BACH1: variants seen among roughly 807,000 people sequenced by gnomAD.
The protein encoded by BACH1 is BTB domain and CNC homolog 1, also known as transcription regulator protein BACH1.
In BACH1, 35 loss-of-function variants were observed where a neutral mutation model predicts 52.9. That is an observed-to-expected ratio of 0.66 (90% CI 0.51 to 0.88). The LOEUF (loss-of-function observed/expected upper bound fraction) is 0.88, where lower values mean the gene tolerates loss of function less well. Ranked by LOEUF, BACH1 falls within the 40% of genes least tolerant of loss-of-function variation. The pLI is 0.00. For missense variants in BACH1, 808 were observed against 872.6 expected (o/e 0.93, Z 0.93); for synonymous variants, 321 against 319.6 (o/e 1.00, Z -0.05).
intron 4 of BACH1, among the ~76,000 whole-genome samples, chr21:29,330,822 AATT>A (rs1172518932): frequency 6.6e-6 from 1 of 152,036 alleles, no homozygotes; most frequent in Admixed American, 6.5e-5. Context: ...AAAAATAAAA[AATT>A]ATTATTTATA....
intron 4 of BACH1, 96 bp from the exon 5 acceptor site, chr21:29,342,303 C>G (rs1400490958): frequency 3.3e-6 from 4 of 1,220,646 alleles, no homozygotes; most frequent in Non-Finnish European, 4.6e-6. Flanking sequence ...TGTGATCTTA[C>G]TTGATGAGAA....
intron 2 of BACH1, among the ~76,000 whole-genome samples, chr21:29,351,157 C>T (rs541619156): frequency 7.9e-5 from 12 of 152,272 alleles, no homozygotes; most frequent in African/African-American, 2.2e-4. Context: ...ATCACTGTCC[C>T]GAAAGTCAGC....
At chr21:29,299,741 G>A (rs2088582376) in intron 1 of BACH1, 1 of 152,186 alleles carries the variant, frequency 6.6e-6, no homozygotes, top group South Asian at 2.1e-4. Flanking sequence ...TGAGGCTTCT[G>A]CGTTAAACTT....
At chr21:29,356,446 AAC>A (rs2123493209) in intron 2 of BACH1, among the ~76,000 whole-genome samples, 1 of 152,378 alleles carries the variant, frequency 6.6e-6, no homozygotes, top group South Asian at 2.1e-4. Flanking sequence ...TGCATGTTTG[AAC>A]AGACCAATTA....
chr21:29,333,372 A>G (rs1311304932), intron 4 of BACH1, among the ~76,000 whole-genome samples: 1 of 152,212 alleles, frequency 6.6e-6, no homozygotes, highest in African/African-American at 2.4e-5. Context: ...ATATTTGTGT[A>G]TATTTTAATC....
chr21:29,316,278 A>T (rs548691067), intron 1 of BACH1, among the ~76,000 whole-genome samples: 60 of 152,306 alleles, frequency 3.9e-4, no homozygotes, highest in African/African-American at 1.4e-3. Flanking sequence ...AATGTCAAGT[A>T]GTAACTATAT....
intron 4 of BACH1, among the ~76,000 whole-genome samples, chr21:29,336,828 C>T (rs1199700996): frequency 1.3e-5 from 2 of 152,030 alleles, no homozygotes; most frequent in Non-Finnish European, 2.9e-5. Flanking sequence ...CCCACCACCA[C>T]ACCTAGCTAA....
At chr21:29,322,339 C>T (rs1245789731) in intron 2 of BACH1, among the ~76,000 whole-genome samples, 1 of 152,216 alleles carries the variant, frequency 6.6e-6, no homozygotes, top group Non-Finnish European at 1.5e-5. Flanking sequence ...TCTTTCTTGA[C>T]TTAGTCTTTA....
At chr21:29,330,264 A>C (rs989127137) in intron 4 of BACH1, among the ~76,000 whole-genome samples, 2 of 152,136 alleles carry the variant, frequency 1.3e-5, no homozygotes, top group African/African-American at 4.8e-5. Context: ...TGCTGGGTTC[A>C]TGCCATTCTC....
At chr21:29,328,146 A>G (rs1211790110) in intron 3 of BACH1, among the ~76,000 whole-genome samples, 1 of 152,224 alleles carries the variant, frequency 6.6e-6, no homozygotes, top group Non-Finnish European at 1.5e-5. Context: ...TGTGACTTCT[A>G]GTGGAGTAAA....
At chr21:29,340,847 G>A (rs963293960) in intron 4 of BACH1, among the ~76,000 whole-genome samples, 9 of 151,894 alleles carry the variant, frequency 5.9e-5, no homozygotes, top group African/African-American at 2.2e-4. Flanking sequence ...TTCAGTATCT[G>A]CAGACTCATT....
intron 1 of BACH1, among the ~76,000 whole-genome samples, chr21:29,311,717 C>CT (rs983748745): frequency 2.5e-4 from 38 of 152,218 alleles, no homozygotes; most frequent in Middle Eastern, 3.4e-3. Context: ...GCTCTAAACA[C>CT]TTTTTTTCTA....
intron 2 of BACH1, 120 bp downstream of exon 2, chr21:29,321,634 C>A: frequency 7.4e-5 from 50 of 679,550 alleles, no homozygotes; most frequent in Middle Eastern, 3.9e-4. Context: ...TTCCCAGGTT[C>A]TGTGCAACCC....
intron 2 of BACH1, chr21:29,361,514 G>GC (rs1159862923): frequency 2.6e-5 from 4 of 151,874 alleles, no homozygotes; most frequent in African/African-American, 9.7e-5. Context: ...TTGTGGCTTT[G>GC]CAGACCTTGC....
intron 1 of BACH1, among the ~76,000 whole-genome samples, chr21:29,319,501 G>A (rs2088824491): frequency 6.6e-6 from 1 of 151,746 alleles, no homozygotes. Flanking sequence ...AAGGTGGAAA[G>A]CTATTATAGA....
chr21:29,350,188 G>A (rs1478591044), downstream of BACH1, among the ~76,000 whole-genome samples: 2 of 152,116 alleles, frequency 1.3e-5, no homozygotes, highest in African/African-American at 4.8e-5. Flanking sequence ...AAGGTAAAAT[G>A]TCACGGCCTC....
intron 4 of BACH1, among the ~76,000 whole-genome samples, chr21:29,335,646 T>A (rs1404162739): frequency 7.2e-5 from 11 of 152,216 alleles, no homozygotes; most frequent in Admixed American, 7.2e-4. Context: ...ATTTTTGACA[T>A]TTTGCCACAT....
chr21:29,330,551 C>T (rs1367860924), intron 4 of BACH1, among the ~76,000 whole-genome samples: 1 of 151,806 alleles, frequency 6.6e-6, no homozygotes, highest in African/African-American at 2.4e-5. Context: ...TTCTTTTTTC[C>T]GTTGGTGGAA....
Position 29,324,344 on chromosome 21 carries a change from C to T in BACH1, c.235-1715C>T, listed in dbSNP as rs1170593357. 4.6e-5 allele frequency among the ~76,000 whole-genome samples: 7 copies of T among 152,120 alleles called. 1 individual carries two copies. Among genetic ancestry groups the T allele is most frequent in the African/African-American group, 1.7e-4 (7 of 41,506 alleles). Reference sequence around the variant, plus strand: ...TACACTCCATGCCCTCATCCCCTTGCCCCCTTCCTCCGTGCCTAATCCATG... The same window carrying T: ...TACACTCCATGCCCTCATCCCCTTGTCCCCTTCCTCCGTGCCTAATCCATG... On this transcript the variant is annotated intron_variant, in intron 2 of 4. Coordinates refer to ENST00000286800, the MANE Select transcript of BACH1 (RefSeq NM_001186.4).
Sources: gnomAD v4.1 joint callset for allele counts (sites outside exome capture counted in the v4.1 genomes callset) on GRCh38, gnomAD v4.1.1 for gene constraint, MANE v1.5 for transcripts, NCBI Gene and HGNC (gene_info 2026-07-23, HGNC 2026-07-21) for gene names.